DDC: variants seen among roughly 807,000 people sequenced by gnomAD.
DDC encodes the protein dopa decarboxylase.
In DDC, 43 loss-of-function variants were observed where a neutral mutation model predicts 60.0. That is an observed-to-expected ratio of 0.72 (90% CI 0.56 to 0.92). DDC has a LOEUF of 0.92. DDC is among the 40% of genes least tolerant of loss of function. The probability of loss-of-function intolerance (pLI) is 0.00; values close to 1 mark genes in which losing one functional copy is unlikely to be tolerated. For missense variants in DDC, 573 were observed against 620.2 expected, an observed-to-expected ratio of 0.92 and a Z score of 0.81; for synonymous variants, 232 against 234.6, an observed-to-expected ratio of 0.99 and a Z score of 0.10.
In DDC at chr7:50,462,226, CAAAAAA is replaced by C. The variant is rs11410259; in HGVS notation, c.*18+981_*18+986del. ...TCTTCCACCAAATGGGACAAAAAGA[CAAAAAA>C]AAAAAAAAAAAAAAAAGAAAATAAA... is the stretch of plus-strand genomic sequence containing the variant. On this transcript the variant is annotated intron_variant, in intron 14 of 14. Coordinates refer to ENST00000444124, the MANE Select transcript of DDC (RefSeq NM_001082971.2). Among the ~76,000 whole-genome samples, 53 of 75,364 alleles carry C rather than the reference CAAAAAA, an allele frequency of 7.0e-4. No individual in the cohort carries two copies. In the South Asian group the frequency reaches 0.017, roughly 25 times the overall value. 49.4% of individuals were successfully genotyped at this position (75,364 alleles called of 152,430 possible). A position where few individuals can be genotyped will look rare whatever the true frequency, so the allele number is the denominator to read the frequency against.
At chr7:50,472,786 C>T (rs1014704308) in intron 11 of DDC, among the ~76,000 whole-genome samples, 2 of 152,164 alleles carry the variant, frequency 1.3e-5, no homozygotes, top group Non-Finnish European at 2.9e-5. Flanking sequence ...ACACTCTGTC[C>T]TCGTGCCCTC....
chr7:50,541,992 T>C (rs188945009), intron 2 of DDC, among the ~76,000 whole-genome samples: 244 of 152,016 alleles, frequency 1.6e-3, no homozygotes, highest in African/African-American at 5.2e-3. Flanking sequence ...GCTAACACAG[T>C]CTAGGCTTGG....
At chr7:50,476,781 G>A in intron 10 of DDC, 138 bp from the exon 11 acceptor site, 3 of 775,214 alleles carry the variant, frequency 3.9e-6, no homozygotes, top group Non-Finnish European at 4.4e-6. Context: ...CTGGGTCTGG[G>A]TGTTCTTTGC....
At chr7:50,473,546 C>A (rs767830174) in intron 11 of DDC, among the ~76,000 whole-genome samples, 12 of 152,366 alleles carry the variant, frequency 7.9e-5, no homozygotes, top group Non-Finnish European at 1.5e-4. Flanking sequence ...CCATCTCCAG[C>A]CCTCTCTAGG....
Position 50,478,339 on chromosome 7 carries a change from G to T in DDC, c.1021+1448C>A, listed in dbSNP as rs4433100. The stretch of plus-strand genomic sequence containing the variant: ...CTAGTAGCCACATGTGGCTGTTGAC[G>T]TTTAAATTTAAGTTAATTAAAACTA... On this transcript the variant is annotated intron_variant, in intron 10 of 14. Coordinates refer to ENST00000444124, the MANE Select transcript of DDC (RefSeq NM_001082971.2). Among the ~76,000 whole-genome samples, 5 of 152,076 alleles carry T rather than the reference G, an allele frequency of 3.3e-5. No individual in the cohort carries two copies. In the East Asian group the frequency reaches 9.6e-4, roughly 29 times the overall value.
intron 14 of DDC, among the ~76,000 whole-genome samples, chr7:50,462,226 C>CAAAAA (rs11410259): frequency 5.4e-4 from 41 of 75,352 alleles, no homozygotes; most frequent in East Asian, 1.3e-3. Flanking sequence ...GACAAAAAGA[C>CAAAAA]AAAAAAAAAA....
intron 9 of DDC, chr7:50,492,892 G>C (rs781228960): frequency 2.5e-4 from 398 of 1,592,422 alleles, no homozygotes; most frequent in Non-Finnish European, 3.2e-4. Flanking sequence ...GGCAGCCTCG[G>C]GGCATCAGCT....
At chr7:50,537,276 T>C (rs1481083458) in intron 4 of DDC, among the ~76,000 whole-genome samples, 1 of 152,240 alleles carries the variant, frequency 6.6e-6, no homozygotes, top group African/African-American at 2.4e-5. Flanking sequence ...AAATAGTATT[T>C]ATAGCCTCTG....
chr7:50,459,367 C>G (rs1203707068), intron 14 of DDC, among the ~76,000 whole-genome samples: 1 of 152,242 alleles, frequency 6.6e-6, no homozygotes, highest in Non-Finnish European at 1.5e-5. Context: ...ACAGCCTCTG[C>G]CCGGCCGCCA....
chr7:50,509,225 C>T (rs1187696884), intron 6 of DDC, among the ~76,000 whole-genome samples: 1 of 152,140 alleles, frequency 6.6e-6, no homozygotes, highest in Non-Finnish European at 1.5e-5. Context: ...TGATTCTCCT[C>T]TCTGATCCGA....
chr7:50,527,755 T>A (rs2044077008), intron 6 of DDC: 1 of 254,940 alleles, frequency 3.9e-6, no homozygotes, highest in Non-Finnish European at 7.7e-6. Flanking sequence ...ACTGGCAGAC[T>A]CTTTTTGCAT....
rs147624952 is a variant in DDC at position 50,475,493 on chromosome 7, G to A, written c.1041+1131C>T. Among the ~76,000 whole-genome samples the A allele has an allele frequency of 3.0e-3, 463 of 152,130 alleles. 3 individuals carry two copies. Among genetic ancestry groups the A allele is most frequent in the African/African-American group, 0.011 (441 of 41,480 alleles). On this transcript the variant is annotated intron_variant, in intron 11 of 14. Coordinates refer to ENST00000444124, the MANE Select transcript of DDC (RefSeq NM_001082971.2). ...TGATGGCTTGGGAAGGTTTACTGCT[G>A]CCCCCCTGCCTCCTGGCTCACAGCT...
At chr7:50,473,560 A>T (rs1488093594) in intron 11 of DDC, among the ~76,000 whole-genome samples, 1 of 152,234 alleles carries the variant, frequency 6.6e-6, no homozygotes, top group Non-Finnish European at 1.5e-5. Context: ...CTCTAGGAAC[A>T]CAGCAGCACA....
intron 8 of DDC, among the ~76,000 whole-genome samples, chr7:50,498,150 G>A (rs182905609): frequency 2.2e-4 from 33 of 152,258 alleles, no homozygotes; most frequent in Admixed American, 3.9e-4. Context: ...ATCCCACACC[G>A]GATGTATTCT....
intron 1 of DDC, among the ~76,000 whole-genome samples, chr7:50,561,290 T>C (rs2045340755): frequency 6.6e-6 from 1 of 151,776 alleles, no homozygotes; most frequent in East Asian, 1.9e-4. Context: ...AAGGAAAAAA[T>C]GGGCCCTGTG....
At chr7:50,480,161 C>T (rs553438392) in intron 9 of DDC, among the ~76,000 whole-genome samples, 7 of 152,314 alleles carry the variant, frequency 4.6e-5, no homozygotes, top group African/African-American at 1.7e-4. Context: ...GGGGTCTCCT[C>T]GATGGCTTCC....
intron 6 of DDC, among the ~76,000 whole-genome samples, chr7:50,507,611 G>A (rs2043437433): frequency 6.6e-6 from 1 of 152,198 alleles, no homozygotes; most frequent in South Asian, 2.1e-4. Context: ...GCATAGAAGA[G>A]TATCTAGAGT....
intron 13 of DDC, among the ~76,000 whole-genome samples, chr7:50,464,190 C>T (rs2153533168): frequency 6.6e-6 from 1 of 152,104 alleles, no homozygotes; most frequent in East Asian, 1.9e-4. Flanking sequence ...TCCTAGTCAC[C>T]CAAACCTCAC....
chr7:50,473,981 A>G (rs2042586744), intron 11 of DDC, among the ~76,000 whole-genome samples: 1 of 152,216 alleles, frequency 6.6e-6, no homozygotes, highest in Non-Finnish European at 1.5e-5. Context: ...CTGCAGGAGC[A>G]GCTCATAGCT....
Sources: allele counts gnomAD v4.1 joint callset (sites outside exome capture counted in the v4.1 genomes callset), GRCh38; gene constraint gnomAD v4.1.1; transcripts MANE v1.5; gene names NCBI Gene and HGNC (gene_info 2026-07-23, HGNC 2026-07-21).